TBX5: variants seen among roughly 807,000 people sequenced by gnomAD.
TBX5 encodes T-box transcription factor 5.
Under a neutral mutation model 51.1 loss-of-function variants are expected in TBX5, and 8 were observed. The ratio of observed to expected loss-of-function variants is 0.16; its 90% confidence interval spans 0.09 to 0.28. The LOEUF (loss-of-function observed/expected upper bound fraction) is 0.28, where lower values mean the gene tolerates loss of function less well. Among genes scored for constraint, TBX5 ranks in the 10% least tolerant of loss-of-function variants. The pLI is 1.00. For missense variants in TBX5, 589 were observed against 671.7 expected (o/e 0.88, Z 1.36); for synonymous variants, 302 against 266.4 (o/e 1.13, Z -1.30).
At chr12:114,393,688 G>A (rs900148774) in intron 6 of TBX5, among the ~76,000 whole-genome samples, 1 of 152,104 alleles carries the variant, frequency 6.6e-6, no homozygotes, top group African/African-American at 2.4e-5. Context: ...ACCAGTGCCT[G>A]GATTTTGAAC....
chr12:114,390,035 AC>A (rs1871076373), intron 6 of TBX5, among the ~76,000 whole-genome samples: 1 of 152,078 alleles, frequency 6.6e-6, no homozygotes, highest in South Asian at 2.1e-4. Context: ...CATTCCTTGC[AC>A]CTCAAACAGA....
At chr12:114,382,855 G>T (rs1374454533) in intron 7 of TBX5, among the ~76,000 whole-genome samples, 3 of 151,670 alleles carry the variant, frequency 2.0e-5, no homozygotes, top group African/African-American at 7.3e-5. Flanking sequence ...GGCAGTGCAT[G>T]CCTGCAGTCC....
At position 114,366,189 on chromosome 12, in the gene TBX5, T is replaced by C; in HGVS notation, c.958A>G (p.Ile320Val). ...CCTTTCCTCTTGGTACAATGGTAAA[T>C]TTGGCTATGCTCCTGGGGCAGTGGG... ...PYPLPQEHSQIYHCTKRKEEE... is the reference protein window; with the variant it reads ...PYPLPQEHSQVYHCTKRKEEE... Residue 320 changes from isoleucine to valine, a missense_variant, in exon 8 of 9, where the codon ATT (isoleucine) becomes GTT (valine). This residue lies in a region of TBX5 where 348 missense variants were observed against 360.4 expected (regional missense o/e 0.97). Coordinates refer to ENST00000405440, the MANE Select transcript of TBX5 (RefSeq NM_181486.4). 1 of 1,614,114 alleles carries C rather than the reference T, an allele frequency of 6.2e-7. No individual in the cohort carries two copies. The highest frequency in any genetic ancestry group is 8.5e-7 in the Non-Finnish European group (1 of 1,180,018).
chr12:114,403,691 A>G, intron 2 of TBX5, 61 bp downstream of exon 2: 1 of 1,589,110 alleles, frequency 6.3e-7, no homozygotes, highest in Non-Finnish European at 8.6e-7. Context: ...GAAGCCGAGC[A>G]GGAAAGCCAG....
chr12:114,400,735 T>C (rs372144086), intron 3 of TBX5, among the ~76,000 whole-genome samples: 91 of 152,316 alleles, frequency 6.0e-4, no homozygotes, highest in African/African-American at 2.0e-3. Context: ...CTTTCCTTCC[T>C]GGGGGAATAG....
chr12:114,355,955 G>A lies in TBX5; in HGVS notation c.1134C>T (p.Cys378=), dbSNP rs1184885753. Residue 378 remains cysteine (C), a synonymous_variant, in exon 9 of 9, where the codon TGC becomes TGT. Coordinates refer to ENST00000405440, the MANE Select transcript of TBX5 (RefSeq NM_181486.4). ...TGGGGGGCGCAGAGCTGGCATACAT[G>A]CAAGCTTGCCGCTGTGCCGACTCTG... The part of the protein sequence containing the change: ...YRTESAQRQA[C]MYASSAPPSE... The A allele has an allele frequency of 6.2e-7, 1 of 1,613,998 alleles. No individual in the cohort carries two copies.
intron 5 of TBX5, among the ~76,000 whole-genome samples, chr12:114,397,820 G>A (rs1343649077): frequency 6.6e-6 from 1 of 152,202 alleles, no homozygotes; most frequent in Admixed American, 6.5e-5. Flanking sequence ...CTAAAAAGTG[G>A]CACTGGCACC....
intron 8 of TBX5, among the ~76,000 whole-genome samples, chr12:114,364,009 C>A (rs573130818): frequency 6.6e-6 from 1 of 152,288 alleles, no homozygotes; most frequent in East Asian, 1.9e-4. Context: ...ATTGTTCAGG[C>A]CTTTGAGATT....
intron 8 of TBX5, 93 bp downstream of exon 8, chr12:114,366,072 A>T (rs1370325495): frequency 3.2e-5 from 41 of 1,283,418 alleles, no homozygotes; most frequent in Non-Finnish European, 4.5e-5. Flanking sequence ...TAAATAAAGT[A>T]AATAAATGAA....
chr12:114,355,422 G>T lies in TBX5; in HGVS notation c.*110C>A. 7.2e-7 allele frequency: 1 copy of T among 1,394,192 alleles called. No homozygotes were observed. Among genetic ancestry groups the T allele is most frequent in the Non-Finnish European group, 9.9e-7 (1 of 1,008,642 alleles). The allele number at this position is 1,394,192 out of a possible 1,614,324, so 86.4% of individuals were successfully genotyped here. A position where few individuals can be genotyped will look rare whatever the true frequency, so the allele number is the denominator to read the frequency against. ...TGCAGATGTGAACATTGGGTGAAAT[G>T]AAAAATCTTGTCCGTGGGGTTCTCT... On this transcript the variant is annotated 3_prime_UTR_variant, in exon 9 of 9. Transcript: ENST00000405440.
intron 7 of TBX5, among the ~76,000 whole-genome samples, chr12:114,371,612 T>A (rs12581720): frequency 6.9e-6 from 1 of 145,610 alleles, no homozygotes; most frequent in African/African-American, 2.5e-5. Context: ...TTTTTCCTGG[T>A]GATCCTTACC....
In TBX5 at chr12:114,403,952, A is replaced by G. The variant is rs955000700; in HGVS notation, c.-38-16T>C. ...AGGTTCTGCTCTGAGGACAAGAAGC[A>G]GGGGGAGATGGGGGTGGGGAGGACA... On this transcript the variant is annotated splice_polypyrimidine_tract_variant and intron_variant, in intron 1 of 8. Coordinates refer to ENST00000405440, the MANE Select transcript of TBX5 (RefSeq NM_181486.4). 1.9e-6 allele frequency: 3 copies of G among 1,593,908 alleles called. No individual in the cohort carries two copies. The highest frequency in any genetic ancestry group is 2.6e-6 in the Non-Finnish European group (3 of 1,175,344).
At chr12:114,392,221 G>GGGCA (rs1343709157) in intron 6 of TBX5, among the ~76,000 whole-genome samples, 3 of 151,392 alleles carry the variant, frequency 2.0e-5, no homozygotes, top group Non-Finnish European at 4.4e-5. Context: ...ACACCCCATT[G>GGGCA]GGCAGGCAGG....
At chr12:114,366,996 A>T (rs987748492) in intron 7 of TBX5, among the ~76,000 whole-genome samples, 1 of 152,192 alleles carries the variant, frequency 6.6e-6, no homozygotes, top group Non-Finnish European at 1.5e-5. Context: ...CCATCTGTAA[A>T]GTAGGGATAA....
chr12:114,358,117 G>A (rs141160389), intron 8 of TBX5, among the ~76,000 whole-genome samples: 1 of 152,338 alleles, frequency 6.6e-6, no homozygotes, highest in Admixed American at 6.5e-5. Flanking sequence ...ATCTAAGCCA[G>A]ATTGGATTGA....
intron 6 of TBX5, among the ~76,000 whole-genome samples, chr12:114,390,495 G>C: frequency 6.6e-6 from 1 of 152,240 alleles, no homozygotes; most frequent in East Asian, 1.9e-4. Context: ...AACTGAGACA[G>C]AGGTTGTAAA....
chr12:114,385,640 A>T, intron 6 of TBX5, 73 bp from the exon 7 acceptor site: 1 of 1,248,762 alleles, frequency 8.0e-7, no homozygotes, highest in Non-Finnish European at 1.2e-6. Flanking sequence ...GACATGAGCT[A>T]ATAATAAATA....
chr12:114,401,884 C>T lies in TBX5; in HGVS notation c.184G>A (p.Glu62Lys), dbSNP rs756464860. ...ACTTCGTGGAATTTTAGCCACAGTT[C>T]TCTTTCATGGAGAAACACTTTGATT... is the stretch of plus-strand genomic sequence containing the variant. ...EGIKVFLHERELWLKFHEVGT... is the reference protein window; with the variant it reads ...EGIKVFLHERKLWLKFHEVGT... The change falls in exon 3 of 9, where the codon GAA (glutamate) becomes AAA (lysine). Residue 62 changes from glutamate to lysine, a missense_variant. By Grantham distance (56) the Glu-to-Lys change is moderately conservative. Coordinates refer to ENST00000405440, the MANE Select transcript of TBX5 (RefSeq NM_181486.4). 19 of 1,614,168 alleles carry T rather than the reference C, an allele frequency of 1.2e-5. No homozygotes were observed. Among genetic ancestry groups the T allele is most frequent in the Non-Finnish European group, 1.6e-5 (19 of 1,180,030 alleles).
rs114913390 is a variant in TBX5 at position 114,385,664 on chromosome 12, G to T, written c.664-97C>A. 5.7e-4 allele frequency: 593 copies of T among 1,046,422 alleles called. 5 individuals are homozygous for T. The African/African-American group carries it at 8.6e-3, about 15-fold the overall frequency. 64.8% of individuals were successfully genotyped at this position (1,046,422 alleles called of 1,614,324 possible). ...TAATAATAAATATCATGGAAATGCAGCCTCTGGCAACCAAAAGAAGCAAAT... is the reference window on the plus strand; with the variant it reads ...TAATAATAAATATCATGGAAATGCATCCTCTGGCAACCAAAAGAAGCAAAT... On this transcript the variant is annotated intron_variant, in intron 6 of 8. Transcript: ENST00000405440.
Sources: allele counts gnomAD v4.1 joint callset (sites outside exome capture counted in the v4.1 genomes callset), GRCh38; gene constraint gnomAD v4.1.1; regional missense constraint gnomAD v4.1.1; transcripts MANE v1.5; gene names NCBI Gene and HGNC (gene_info 2026-07-23, HGNC 2026-07-21).